The following SYCP1 variants were observed in gnomAD, a reference collection of about 807,000 sequenced individuals.
SYCP1 encodes cancer/testis antigen 8.
In SYCP1, 64 loss-of-function variants were observed where a neutral mutation model predicts 153.1. The ratio of observed to expected loss-of-function variants is 0.42; its 90% confidence interval spans 0.34 to 0.51. The LOEUF (loss-of-function observed/expected upper bound fraction) is 0.51, where lower values mean the gene tolerates loss of function less well. SYCP1 is among the 20% of genes least tolerant of loss of function. The pLI, the probability that SYCP1 is intolerant of heterozygous loss-of-function variation, is 0.06. For missense variants in SYCP1, 997 were observed against 1,049.0 expected (o/e 0.95, Z 0.68); for synonymous variants, 384 against 341.8 (o/e 1.12, Z -1.36).
In SYCP1 at chr1:114,980,307, G is replaced by GCAACTATTA. The variant is rs542452879; in HGVS notation, c.2383-1027_2383-1019dup. Among the ~76,000 whole-genome samples the GCAACTATTA allele has an allele frequency of 3.1e-3, 470 of 151,942 alleles. 1 individual carries two copies. Among genetic ancestry groups the GCAACTATTA allele is most frequent in the African/African-American group, 0.011 (449 of 41,490 alleles). On this transcript the variant is annotated intron_variant, in intron 28 of 31. Transcript: ENST00000369522. ...GAGTTTCATGTAGAATCCCACTAAA[G>GCAACTATTA]CAACTATTACTAGCTTTTACTAGAA...
At chr1:114,875,284 A>G (rs1665436237) in intron 9 of SYCP1, among the ~76,000 whole-genome samples, 1 of 127,670 alleles carries the variant, frequency 7.8e-6, no homozygotes, top group African/African-American at 3.0e-5. Flanking sequence ...TTTTTTTGAG[A>G]CAGTCTGGCT....
intron 27 of SYCP1, among the ~76,000 whole-genome samples, chr1:114,948,989 A>G (rs1032943003): frequency 1.3e-5 from 2 of 152,172 alleles, no homozygotes; most frequent in African/African-American, 2.4e-5. Flanking sequence ...AATTAACACC[A>G]GGCCAAAGAG....
intron 12 of SYCP1, among the ~76,000 whole-genome samples, chr1:114,883,622 C>T (rs1300755254): frequency 6.6e-6 from 1 of 152,218 alleles, no homozygotes; most frequent in Middle Eastern, 3.2e-3. Flanking sequence ...CGTTCCGATA[C>T]ATGCCTAAGG....
In SYCP1 at chr1:114,866,656, C is replaced by T. The variant is rs186759609; in HGVS notation, c.598+5847C>T. 3.1e-4 allele frequency among the ~76,000 whole-genome samples: 47 copies of T among 151,990 alleles called. No homozygotes were observed. In the East Asian group the frequency reaches 7.5e-3, roughly 24 times the overall value. On this transcript the variant is annotated intron_variant, in intron 8 of 31. Coordinates refer to ENST00000369522, the MANE Select transcript of SYCP1 (RefSeq NM_003176.4). The stretch of plus-strand genomic sequence containing the variant: ...TTTGCAGACATTTTCTCCCAGTCTG[C>T]GGCTTGTATTCTCATTCTCTTGACA...
intron 30 of SYCP1, among the ~76,000 whole-genome samples, chr1:114,991,278 G>A (rs996962974): frequency 2.6e-5 from 4 of 151,800 alleles, no homozygotes; most frequent in African/African-American, 9.7e-5. Context: ...AAAAGTTGAA[G>A]AAGGAACACC....
intron 18 of SYCP1, among the ~76,000 whole-genome samples, chr1:114,912,256 T>A (rs1668229647): frequency 6.6e-6 from 1 of 152,052 alleles, no homozygotes; most frequent in Non-Finnish European, 1.5e-5. Flanking sequence ...TCCCTTTTAA[T>A]GAATGGACTG....
Position 114,926,305 on chromosome 1 carries a change from A to C in SYCP1, c.1828A>C (p.Asn610His). Residue 610 changes from asparagine to histidine, a missense_variant, in exon 22 of 32, where the codon AAT (asparagine) becomes CAT (histidine). Around this residue, in one of 2 missense-constraint regions of SYCP1, gnomAD observed 712 missense variants for 682.9 expected, o/e 1.04. Transcript: ENST00000369522. ...TAACAATTTAAGGAAACAAGTTGAAAATAAAAACAAGTATATTGAAGAACT... is the reference window on the plus strand; with the variant it reads ...TAACAATTTAAGGAAACAAGTTGAACATAAAAACAAGTATATTGAAGAACT... ...NCNNLRKQVE[N>H]KNKYIEELQQ... The C allele has an allele frequency of 6.5e-7, 1 of 1,533,856 alleles. No individual in the cohort carries two copies. The highest frequency in any genetic ancestry group is 8.8e-7 in the Non-Finnish European group (1 of 1,138,386).
At chr1:114,880,663 G>T (rs1665860592) in intron 12 of SYCP1, among the ~76,000 whole-genome samples, 1 of 152,172 alleles carries the variant, frequency 6.6e-6, no homozygotes, top group East Asian at 1.9e-4. Context: ...CCTCTGCCTG[G>T]GTTAAGACAG....
At chr1:114,945,304 G>A (rs1670640083) in intron 25 of SYCP1, among the ~76,000 whole-genome samples, 1 of 151,800 alleles carries the variant, frequency 6.6e-6, no homozygotes, top group African/African-American at 2.4e-5. Flanking sequence ...TACATAACCA[G>A]GATAAGTATC....
intron 19 of SYCP1, 40 bp downstream of exon 19, chr1:114,913,190 C>T (rs756516194): frequency 6.6e-7 from 1 of 1,514,736 alleles, no homozygotes; most frequent in South Asian, 1.1e-5. Flanking sequence ...TAGTTTTCTT[C>T]CAATTAGCAG....
rs189642440 is a variant in SYCP1, at chr1:114,960,323, A to C, written c.2322+13003A>C. On this transcript the variant is annotated intron_variant, in intron 27 of 31. Coordinates refer to ENST00000369522, the MANE Select transcript of SYCP1 (RefSeq NM_003176.4). ...GCTGGGATCACAGGCATGCACCATC[A>C]CCCCTGGCTAATTTTTGTATTTTTA... Among the ~76,000 whole-genome samples the C allele has an allele frequency of 1.6e-3, 249 of 151,596 alleles. 2 individuals carry two copies. Among genetic ancestry groups the C allele is most frequent in the African/African-American group, 5.7e-3 (236 of 41,300 alleles).
chr1:114,860,704 T>A, intron 7 of SYCP1, 32 bp from the exon 8 acceptor site: 2 of 1,502,710 alleles, frequency 1.3e-6, no homozygotes, highest in Non-Finnish European at 1.8e-6. Flanking sequence ...GAGATCAGAT[T>A]ACACACAGGC....
rs943738647 is a variant in SYCP1, at chr1:114,886,417, A to G, written c.1190+108A>G. On this transcript the variant is annotated intron_variant, in intron 14 of 31. Coordinates refer to ENST00000369522, the MANE Select transcript of SYCP1 (RefSeq NM_003176.4). ...TTGCCAACTGATGTGTGTAATTCAT[A>G]TAACAACTGTAGTCAGGTCTCATGT... is the stretch of plus-strand genomic sequence containing the variant. The G allele has an allele frequency of 5.3e-6, 5 of 946,130 alleles. No individual in the cohort carries two copies. The African/African-American group carries it at 6.9e-5, about 13-fold the overall frequency. 58.6% of individuals were successfully genotyped at this position (946,130 alleles called of 1,614,324 possible).
chr1:114,966,157 G>A (rs1329370495), intron 27 of SYCP1, among the ~76,000 whole-genome samples: 1 of 152,010 alleles, frequency 6.6e-6, no homozygotes, highest in Non-Finnish European at 1.5e-5. Context: ...TTCTCTGATG[G>A]TAGTTTCTGT....
chr1:114,877,931 T>C (rs1665653638), intron 11 of SYCP1, among the ~76,000 whole-genome samples, 163 bp from the exon 12 acceptor site: 1 of 152,210 alleles, frequency 6.6e-6, no homozygotes. Flanking sequence ...GGGCCAGTTC[T>C]CTGACTACAT....
At chr1:114,984,136 C>T (rs1673349699) in intron 29 of SYCP1, among the ~76,000 whole-genome samples, 1 of 151,880 alleles carries the variant, frequency 6.6e-6, no homozygotes, top group Admixed American at 6.6e-5. Context: ...TTGAACTGGC[C>T]TCAAGCAATC....
intron 16 of SYCP1, among the ~76,000 whole-genome samples, chr1:114,899,243 A>G (rs1270252909): frequency 6.6e-6 from 1 of 152,242 alleles, no homozygotes; most frequent in African/African-American, 2.4e-5. Flanking sequence ...AGAAATAAAC[A>G]TGCTCTAAAT....
intron 7 of SYCP1, 84 bp from the exon 8 acceptor site, chr1:114,860,652 G>C (rs971476314): frequency 1.2e-6 from 1 of 848,606 alleles, no homozygotes. Context: ...CTTAAAAATT[G>C]TAACAATATA....
intron 8 of SYCP1, among the ~76,000 whole-genome samples, chr1:114,871,740 A>G (rs1380271003): frequency 6.6e-6 from 1 of 151,580 alleles, no homozygotes; most frequent in Non-Finnish European, 1.5e-5. Context: ...TTTTATGTTT[A>G]GTAATATGCT....
Sources: allele counts gnomAD v4.1 joint callset (sites outside exome capture counted in the v4.1 genomes callset), GRCh38; gene constraint gnomAD v4.1.1; regional missense constraint gnomAD v4.1.1; transcripts MANE v1.5; gene names NCBI Gene and HGNC (gene_info 2026-07-23, HGNC 2026-07-21).